The following DNAH12 variants were observed in gnomAD, a reference collection of about 807,000 sequenced individuals.
DNAH12 encodes dynein axonemal heavy chain 12.
Under a neutral mutation model 371.5 loss-of-function variants are expected in DNAH12, and 285 were observed. The ratio of observed to expected loss-of-function variants is 0.77; its 90% CI spans 0.70 to 0.85. DNAH12 has a LOEUF of 0.85. Ranked by LOEUF, DNAH12 falls within the 40% of genes least tolerant of loss-of-function variation. DNAH12 has a pLI of 0.00. For synonymous variants in DNAH12, 1,200 were observed against 1,213.0 expected, an observed-to-expected ratio of 0.99 and a Z score of 0.22; for missense variants, 3,611 against 3,689.4, an observed-to-expected ratio of 0.98 and a Z score of 0.55.
intron 4 of DNAH12, among the ~76,000 whole-genome samples, chr3:57,521,166 T>G (rs1368532393): frequency 1.3e-5 from 2 of 151,808 alleles, no homozygotes. Context: ...TTCTAAAAGT[T>G]TTATAGTTTA....
intron 13 of DNAH12, among the ~76,000 whole-genome samples, chr3:57,482,772 G>A (rs1292536770): frequency 6.6e-6 from 1 of 152,066 alleles, no homozygotes; most frequent in Non-Finnish European, 1.5e-5. Flanking sequence ...GTCCTTTGTA[G>A]GGACATGGAT....
chr3:57,415,274 T>G (rs77903609), intron 38 of DNAH12, among the ~76,000 whole-genome samples, 152 bp downstream of exon 38: 5 of 152,320 alleles, frequency 3.3e-5, no homozygotes, highest in African/African-American at 1.2e-4. Flanking sequence ...GAAACTTGTA[T>G]CATTAATTCC....
At chr3:57,329,777 C>A (rs1258012882) in intron 62 of DNAH12, among the ~76,000 whole-genome samples, 48 of 152,020 alleles carry the variant, frequency 3.2e-4, no homozygotes, top group Admixed American at 7.9e-4. Context: ...GAACAGGCAA[C>A]CCACAAAATG....
intron 43 of DNAH12, among the ~76,000 whole-genome samples, chr3:57,398,358 G>C (rs2063787654): frequency 1.3e-5 from 2 of 152,142 alleles, no homozygotes; most frequent in Admixed American, 1.3e-4. Context: ...GAGAAAGAGA[G>C]GACAGAGAGC....
At chr3:57,415,605 AAGTC>A (rs1239147369) in intron 37 of DNAH12, 41 bp from the exon 38 acceptor site, 2 of 1,497,870 alleles carry the variant, frequency 1.3e-6, no homozygotes, top group African/African-American at 2.9e-5. Flanking sequence ...AATGGAAAAA[AAGTC>A]AGAATACATT....
chr3:57,489,453 A>G, intron 12 of DNAH12, 56 bp downstream of exon 12: 1 of 1,428,354 alleles, frequency 7.0e-7, no homozygotes, highest in Non-Finnish European at 9.2e-7. Flanking sequence ...GAGTTACTTT[A>G]GCAAAATACT....
At chr3:57,449,271 C>T (rs1303060272) in intron 25 of DNAH12, among the ~76,000 whole-genome samples, 1 of 152,130 alleles carries the variant, frequency 6.6e-6, no homozygotes, top group African/African-American at 2.4e-5. Context: ...CTCAGAAGCC[C>T]GGCTGGCTTC....
chr3:57,471,291 G>A (rs2066358416), intron 15 of DNAH12, among the ~76,000 whole-genome samples, 181 bp downstream of exon 15: 1 of 149,690 alleles, frequency 6.7e-6, no homozygotes, highest in Admixed American at 6.7e-5. Context: ...ACATATTTAT[G>A]TATTTTACTA....
intron 5 of DNAH12, 51 bp downstream of exon 5, chr3:57,510,739 C>CGGG (rs766880649): frequency 1.9e-6 from 3 of 1,549,642 alleles, no homozygotes; most frequent in Non-Finnish European, 2.6e-6. Context: ...TCAGTGGGGA[C>CGGG]GGGGGGAGGC....
chr3:57,436,982 GAATT>G lies in DNAH12; in HGVS notation c.4620_4623del (p.Ile1541LysfsTer5). The G allele has an allele frequency of 2.0e-6, 3 of 1,511,304 alleles. No homozygotes were observed. Among genetic ancestry groups the G allele is most frequent in the Non-Finnish European group, 2.6e-6 (3 of 1,133,896 alleles). The allele number at this position is 1,511,304 out of a possible 1,614,324, so 93.6% of individuals were successfully genotyped here. A position where few individuals can be genotyped will look rare whatever the true frequency, so the allele number is the denominator to read the frequency against. ...CTAACAATCATCATTTCATATGTTT[GAATT>G]ATTTTTTCAAGAAAAAATTTAACAG... On this transcript the variant is annotated frameshift_variant, in exon 30 of 74. Coordinates refer to ENST00000495027, the MANE Select transcript of DNAH12 (RefSeq NM_001366028.2). LOFTEE classifies it high-confidence loss of function.
Position 57,454,824 on chromosome 3 carries a change from T to A in DNAH12, c.3407A>T (p.Gln1136Leu). The A allele has an allele frequency of 6.4e-7, 1 of 1,551,386 alleles. No individual in the cohort carries two copies. The highest frequency in any genetic ancestry group is 1.4e-5 in the African/African-American group (1 of 73,180). ...CTGTGTCTCAGATGTCCAGAACATT[T>A]GAGAAATACAAAGTACAACTTGGCC... ...WPGQVVLCIS[Q>L]MFWTSETQEV... is the part of the protein sequence containing the mutation. Residue 1136 changes from glutamine (Q) to leucine (L), a missense_variant, in exon 23 of 74, where the codon CAA becomes CTA. Transcript: ENST00000495027.
chr3:57,427,027 A>AT lies in DNAH12; in HGVS notation c.5253+1605dup, dbSNP rs200684791. Among the ~76,000 whole-genome samples, 1,436 of 151,834 alleles carry AT rather than the reference A, an allele frequency of 9.5e-3. 25 individuals are homozygous for AT. Among genetic ancestry groups the AT allele is most frequent in the African/African-American group, 0.032 (1,335 of 41,390 alleles). On this transcript the variant is annotated intron_variant, in intron 34 of 73. Transcript: ENST00000495027. The stretch of plus-strand genomic sequence containing the variant: ...GAATCTTCATAAAGTGGAATTGCTC[A>AT]TTTTTTTCTTTTAAATGGCACTTTT...
chr3:57,510,860 T>C lies in DNAH12; in HGVS notation c.399A>G (p.Arg133=). The stretch of plus-strand genomic sequence containing the variant: ...TTATGAGACTTTCAAGAAGTTCTTC[T>C]CTTTCTTTCCCTTCCTTTAAAGACT... ...IPESLKEGKE[R]EELLESLINE... is the part of the protein sequence containing the mutation. The change falls in exon 5 of 74, where the codon AGA becomes AGG. Residue 133 remains arginine (R), a synonymous_variant. Coordinates refer to ENST00000495027, the MANE Select transcript of DNAH12 (RefSeq NM_001366028.2). The C allele has an allele frequency of 1.9e-6, 3 of 1,614,098 alleles. No individual in the cohort carries two copies. In the South Asian group the frequency reaches 3.3e-5, roughly 18 times the overall value.
intron 11 of DNAH12, among the ~76,000 whole-genome samples, chr3:57,490,614 TC>T (rs1296401653): frequency 6.6e-6 from 1 of 152,160 alleles, no homozygotes; most frequent in Non-Finnish European, 1.5e-5. Context: ...AATGGCCTGT[TC>T]CTTTTATTCT....
Position 57,542,874 on chromosome 3 carries a change from G to C in DNAH12, c.-4C>G, listed in dbSNP as rs371564176. 1 of 1,580,180 alleles carries C rather than the reference G, an allele frequency of 6.3e-7. No homozygotes were observed. The highest frequency in any genetic ancestry group is 8.6e-7 in the Non-Finnish European group (1 of 1,168,256). Reference sequence around the variant, plus strand: ...CAGCTTTGTTTGCATCTGACATCTTGATCCCCTAAAGATTAAAATACTCTG... The same window carrying C: ...CAGCTTTGTTTGCATCTGACATCTTCATCCCCTAAAGATTAAAATACTCTG... On this transcript the variant is annotated 5_prime_UTR_variant, in exon 2 of 74. In the 5' UTR this introduces an upstream ATG that the reference lacks. Coordinates refer to ENST00000495027, the MANE Select transcript of DNAH12 (RefSeq NM_001366028.2).
At chr3:57,541,174 G>A (rs1487422665) in intron 2 of DNAH12, among the ~76,000 whole-genome samples, 1 of 151,670 alleles carries the variant, frequency 6.6e-6, no homozygotes, top group African/African-American at 2.4e-5. Flanking sequence ...TGAGTAGCTG[G>A]GATTACAGGC....
At chr3:57,486,987 A>C (rs909489382) in intron 12 of DNAH12, among the ~76,000 whole-genome samples, 16 of 152,198 alleles carry the variant, frequency 1.1e-4, no homozygotes, top group Admixed American at 2.0e-4. Flanking sequence ...TTCAAATACC[A>C]GGAAAAGAGA....
Position 57,298,999 on chromosome 3 carries a change from A to G in DNAH12, c.11395-2015T>C, listed in dbSNP as rs532623996. ...AATGGACTTTGTCTCTGAGCAGGCA[A>G]TACACTCTGGGAAGAAGCCAGTTTT... On this transcript the variant is annotated intron_variant, in intron 70 of 73. Transcript: ENST00000495027. Among the ~76,000 whole-genome samples, 124 of 152,328 alleles carry G rather than the reference A, an allele frequency of 8.1e-4. No individual in the cohort carries two copies. In the Middle Eastern group the frequency reaches 0.01, roughly 13 times the overall value.
chr3:57,543,407 C>A (rs2069387463), intron 1 of DNAH12, among the ~76,000 whole-genome samples: 1 of 143,882 alleles, frequency 7.0e-6, no homozygotes, highest in South Asian at 2.2e-4. Flanking sequence ...ACTGCAACCT[C>A]CGCCTCCCAG....
Sources: gnomAD v4.1 joint callset for allele counts (sites outside exome capture counted in the v4.1 genomes callset) on GRCh38, gnomAD v4.1.1 for gene constraint, MANE v1.5 for transcripts, NCBI Gene and HGNC (gene_info 2026-07-23, HGNC 2026-07-21) for gene names.